Variants in LPCAT1 observed in about 807,000 individuals in gnomAD.
LPCAT1 encodes the protein 1-acylglycerol-3-phosphate O-acyltransferase.
LPCAT1 carries 23 observed loss-of-function variants against 60.9 expected under a neutral mutation model. That is an observed-to-expected ratio of 0.38 (90% confidence interval 0.27 to 0.53). The LOEUF (loss-of-function observed/expected upper bound fraction) is 0.53, where lower values mean the gene tolerates loss of function less well. LPCAT1 is among the 20% of genes least tolerant of loss of function. The probability of loss-of-function intolerance (pLI) is 0.82; values close to 1 mark genes in which losing one functional copy is unlikely to be tolerated. For synonymous variants in LPCAT1, 340 were observed against 301.1 expected (o/e 1.13, Z -1.34); for missense variants, 622 against 723.6 (o/e 0.86, Z 1.61).
At chr5:1,485,852 G>C (rs56358072) in intron 5 of LPCAT1, among the ~76,000 whole-genome samples, 2 of 152,112 alleles carry the variant, frequency 1.3e-5, no homozygotes, top group Non-Finnish European at 2.9e-5. Flanking sequence ...TTCACAGCCC[G>C]TGCAGGGAGG....
rs1037452186 is a variant in LPCAT1 at position 1,502,684 on chromosome 5, G to A, written c.136-1081C>T. ...GGTGAGGGGAAACACCAGTCCTGAG[G>A]TGCAGGTTTAGTGCAGAGACAGAAA... On this transcript the variant is annotated intron_variant, in intron 1 of 13. Transcript: ENST00000283415. This position sits in a 1 kb window ranked among gnomAD's most constrained non-coding sequence, Gnocchi z 5.5. Among the ~76,000 whole-genome samples, 16 of 152,122 alleles carry A rather than the reference G, an allele frequency of 1.1e-4. 1 individual carries two copies. The highest frequency in any genetic ancestry group is 3.6e-4 in the African/African-American group (15 of 41,416).
rs1734913040 is a variant in LPCAT1, at chr5:1,476,279, A to G, written c.899+1125T>C. The stretch of plus-strand genomic sequence containing the variant: ...CATTCCCCTGGCTCGGCGCCTACTC[A>G]GCTTTTTGTATTGTTCAGAGCTGCC... On this transcript the variant is annotated intron_variant, in intron 9 of 13. Transcript: ENST00000283415. The surrounding 1 kb of genome is among the most constrained non-coding windows in gnomAD (Gnocchi z 8.6). Among the ~76,000 whole-genome samples, 1 of 152,092 alleles carries G rather than the reference A, an allele frequency of 6.6e-6. No individual in the cohort carries two copies. The highest frequency in any genetic ancestry group is 1.5e-5 in the Non-Finnish European group (1 of 68,014).
At chr5:1,516,738 G>A (rs1024063956) in intron 1 of LPCAT1, among the ~76,000 whole-genome samples, 1 of 152,128 alleles carries the variant, frequency 6.6e-6, no homozygotes, top group African/African-American at 2.4e-5. Context: ...ATCAAGGTTT[G>A]GAAAAGGCTG....
chr5:1,465,613 G>A lies in LPCAT1; in HGVS notation c.1420+1136C>T, dbSNP rs541487097. 1.2e-3 allele frequency among the ~76,000 whole-genome samples: 178 copies of A among 148,716 alleles called. 1 individual carries two copies. In the South Asian group the frequency reaches 0.014, roughly 12 times the overall value. Reference sequence around the variant, plus strand: ...CACACGCACGGTACTAAACACGTGCGCACACACACAAAACAAGCACAAGAG... The same window carrying A: ...CACACGCACGGTACTAAACACGTGCACACACACACAAAACAAGCACAAGAG... On this transcript the variant is annotated intron_variant, in intron 13 of 13. Transcript: ENST00000283415.
chr5:1,492,223 G>C (rs1393462289), intron 3 of LPCAT1, among the ~76,000 whole-genome samples: 1 of 151,876 alleles, frequency 6.6e-6, no homozygotes, highest in Admixed American at 6.5e-5. Context: ...CTCTGAGCTG[G>C]GACAAGGGGA....
intron 3 of LPCAT1, among the ~76,000 whole-genome samples, chr5:1,492,076 G>A (rs915264572): frequency 2.6e-5 from 4 of 151,736 alleles, no homozygotes; most frequent in African/African-American, 9.7e-5. Context: ...GACCATGGGA[G>A]ATGTCTCTGA....
At chr5:1,507,413 T>C (rs1029948011) in intron 1 of LPCAT1, among the ~76,000 whole-genome samples, 1 of 152,236 alleles carries the variant, frequency 6.6e-6, no homozygotes, top group Non-Finnish European at 1.5e-5. Flanking sequence ...CTTCAACTAT[T>C]TGAAAGTTGG....
chr5:1,479,784 C>A, intron 7 of LPCAT1, 109 bp from the exon 8 acceptor site: 1 of 837,604 alleles, frequency 1.2e-6, no homozygotes, highest in Non-Finnish European at 2.0e-6. Flanking sequence ...GAGGGCGCTA[C>A]TGGGCAGTCA....
chr5:1,487,479 C>A lies in LPCAT1; in HGVS notation c.667+912G>T, dbSNP rs532444385. Among the ~76,000 whole-genome samples the A allele has an allele frequency of 6.6e-6, 1 of 152,186 alleles. No individual in the cohort carries two copies. Among genetic ancestry groups the A allele is most frequent in the African/African-American group, 2.4e-5 (1 of 41,450 alleles). ...CCAAGGAGGGTGGAGGGTGAAAGCA[C>A]GCGCATCTGAGCTGGAGGAGGATGG... On this transcript the variant is annotated intron_variant, in intron 5 of 13. Coordinates refer to ENST00000283415, the MANE Select transcript of LPCAT1 (RefSeq NM_024830.5). The surrounding 1 kb of genome is among the most constrained non-coding windows in gnomAD (Gnocchi z 6.1).
intron 6 of LPCAT1, among the ~76,000 whole-genome samples, chr5:1,482,640 G>C (rs1378875314): frequency 1.4e-5 from 1 of 73,300 alleles, no homozygotes; most frequent in East Asian, 3.4e-4. Flanking sequence ...GGGCTGGGGT[G>C]GGGCAGAGCC....
In LPCAT1 at chr5:1,476,494, G is replaced by A. The variant is rs1188279670; in HGVS notation, c.899+910C>T. ...GAGCCAGGCACACTCTGATGGGCCC[G>A]GCCGTGGCTGTGTTCCCCTCTGGGC... On this transcript the variant is annotated intron_variant, in intron 9 of 13. Transcript: ENST00000283415. This position sits in a 1 kb window ranked among gnomAD's most constrained non-coding sequence, Gnocchi z 8.6. 2.6e-5 allele frequency among the ~76,000 whole-genome samples: 4 copies of A among 152,250 alleles called. No homozygotes were observed. Among genetic ancestry groups the A allele is most frequent in the South Asian group, 4.1e-4 (2 of 4,824 alleles).
rs554407422 is a variant in LPCAT1, at chr5:1,466,681, A to C, written c.1420+68T>G. ...ACTCCTGTCCTGGGCTCCCACGGAG[A>C]CTCGCCCCACACTCTGTCCAGCCCC... is the stretch of plus-strand genomic sequence containing the variant. On this transcript the variant is annotated intron_variant, in intron 13 of 13. Transcript: ENST00000283415. The C allele has an allele frequency of 1.7e-4, 261 of 1,494,286 alleles. 1 individual carries two copies. The South Asian group carries it at 3.2e-3, about 18-fold the overall frequency. The allele number at this position is 1,494,286 out of a possible 1,614,324, so 92.6% of individuals were successfully genotyped here.
rs1348274044 is a variant in LPCAT1 at position 1,481,790 on chromosome 5, A to T, written c.727-814T>A. On this transcript the variant is annotated intron_variant, in intron 6 of 13. Transcript: ENST00000283415. The surrounding 1 kb of genome is among the most constrained non-coding windows in gnomAD (Gnocchi z 7.8). ...GGGCCCTTGGCCAGGAGCCTGGCTG[A>T]CAAACGCACGCCTCAGTAAGAAGGA... 5.3e-5 allele frequency among the ~76,000 whole-genome samples: 8 copies of T among 152,354 alleles called. No individual in the cohort carries two copies. The highest frequency in any genetic ancestry group is 5.2e-4 in the Admixed American group (8 of 15,310).
intron 3 of LPCAT1, among the ~76,000 whole-genome samples, chr5:1,493,648 G>A (rs935596053): frequency 2.0e-5 from 3 of 152,208 alleles, no homozygotes; most frequent in African/African-American, 7.2e-5. Context: ...CACGAGGACA[G>A]AACGGGCCCA....
At chr5:1,484,579 C>T (rs1023021787) in intron 5 of LPCAT1, among the ~76,000 whole-genome samples, 2 of 152,144 alleles carry the variant, frequency 1.3e-5, no homozygotes, top group Non-Finnish European at 2.9e-5. Context: ...GTCCTGGCTG[C>T]GGGATTCTGC....
chr5:1,488,104 A>C (rs1735440023), intron 5 of LPCAT1, among the ~76,000 whole-genome samples: 1 of 152,162 alleles, frequency 6.6e-6, no homozygotes, highest in African/African-American at 2.4e-5. Flanking sequence ...CCCCTTCTGC[A>C]CCCAGGACCC....
intron 1 of LPCAT1, among the ~76,000 whole-genome samples, chr5:1,508,292 T>A (rs1018141542): frequency 6.6e-6 from 1 of 152,104 alleles, no homozygotes; most frequent in African/African-American, 2.4e-5. Flanking sequence ...GCTTTGGTGT[T>A]CTAGGTTGAA....
intron 8 of LPCAT1, 135 bp downstream of exon 8, chr5:1,479,486 T>G (rs1735046456): frequency 2.8e-6 from 2 of 705,552 alleles, no homozygotes; most frequent in Non-Finnish European, 5.2e-6. Context: ...GAAGGAGCCC[T>G]GAGAAACGGA....
chr5:1,485,355 C>T (rs933154551), intron 5 of LPCAT1, among the ~76,000 whole-genome samples: 2 of 152,154 alleles, frequency 1.3e-5, no homozygotes, highest in East Asian at 1.9e-4. Flanking sequence ...ACCCAGACCC[C>T]GCCAGCACTG....
Sources: allele counts gnomAD v4.1 joint callset (sites outside exome capture counted in the v4.1 genomes callset), GRCh38; gene constraint gnomAD v4.1.1; non-coding constraint Gnocchi (gnomAD v3.1); transcripts MANE v1.5; gene names NCBI Gene and HGNC (gene_info 2026-07-23, HGNC 2026-07-21).